VTA1: variants seen among roughly 807,000 people sequenced by gnomAD.
VTA1 encodes vacuolar protein sorting-associated protein VTA1 homolog.
In VTA1, 24 loss-of-function variants were observed where a neutral mutation model predicts 36.9. The observed-to-expected ratio is 0.65, with a 90% confidence interval of 0.47 to 0.91. The LOEUF (loss-of-function observed/expected upper bound fraction) is 0.91, where lower values mean the gene tolerates loss of function less well. Ranked by LOEUF, VTA1 falls within the 40% of genes least tolerant of loss-of-function variation. The probability of loss-of-function intolerance (pLI) is 0.00; values close to 1 mark genes in which losing one functional copy is unlikely to be tolerated. For missense variants in VTA1, 393 were observed against 377.2 expected (o/e 1.04, Z -0.35); for synonymous variants, 142 against 130.2 (o/e 1.09, Z -0.62).
intron 5 of VTA1, among the ~76,000 whole-genome samples, chr6:142,194,995 A>G (rs994247086): frequency 1.3e-5 from 2 of 152,146 alleles, no homozygotes; most frequent in South Asian, 2.1e-4. Context: ...AAACTTAGTC[A>G]TGATGAGGCC....
chr6:142,165,778 A>G (rs1774902025), intron 1 of VTA1, among the ~76,000 whole-genome samples: 1 of 152,204 alleles, frequency 6.6e-6, no homozygotes, highest in Admixed American at 6.5e-5. Flanking sequence ...GAGAGAGTAT[A>G]TGTAAAATTA....
At chr6:142,202,871 T>C (rs1295770845) in intron 6 of VTA1, among the ~76,000 whole-genome samples, 1 of 151,994 alleles carries the variant, frequency 6.6e-6, no homozygotes, top group Non-Finnish European at 1.5e-5. Flanking sequence ...AATTTTTCAA[T>C]TTTTAGTTAA....
At chr6:142,196,579 AC>A (rs1269984891) in intron 5 of VTA1, among the ~76,000 whole-genome samples, 1 of 151,226 alleles carries the variant, frequency 6.6e-6, no homozygotes, top group Admixed American at 6.6e-5. Flanking sequence ...TTTTTCTCTT[AC>A]AGTTTTTCCC....
chr6:142,216,884 C>T (rs1036202753), intron 7 of VTA1, among the ~76,000 whole-genome samples: 2 of 152,092 alleles, frequency 1.3e-5, no homozygotes, highest in South Asian at 2.1e-4. Context: ...AAAGAGTGCC[C>T]TGAGATAGGA....
intron 5 of VTA1, among the ~76,000 whole-genome samples, chr6:142,193,508 C>T (rs571658854): frequency 1.3e-5 from 2 of 152,126 alleles, no homozygotes; most frequent in South Asian, 4.1e-4. Context: ...TTAGTTGGCA[C>T]TCTATCATAA....
chr6:142,174,420 C>G (rs1775081145), intron 4 of VTA1, among the ~76,000 whole-genome samples: 1 of 123,586 alleles, frequency 8.1e-6, no homozygotes, highest in South Asian at 2.7e-4. Context: ...GATGCTTACC[C>G]AATGCCTGTA....
At chr6:142,157,870 GTT>G (rs11357585) in intron 1 of VTA1, among the ~76,000 whole-genome samples, 3 of 137,442 alleles carry the variant, frequency 2.2e-5, no homozygotes, top group Admixed American at 7.1e-5. Flanking sequence ...ACTATTTTGG[GTT>G]TTTTTTTTTT....
chr6:142,201,600 AAAT>A (rs1410486918), intron 6 of VTA1, among the ~76,000 whole-genome samples: 5 of 151,958 alleles, frequency 3.3e-5, no homozygotes, highest in Non-Finnish European at 7.4e-5. Flanking sequence ...AAGCTAGATT[AAAT>A]AATATAATTA....
At chr6:142,181,891 TATCAGGAAATAC>T (rs1457781792) in intron 4 of VTA1, among the ~76,000 whole-genome samples, 1 of 152,222 alleles carries the variant, frequency 6.6e-6, no homozygotes, top group Admixed American at 6.5e-5. Context: ...GTTGAATGAA[TATCAGGAAATAC>T]ATGTAATCTG....
At chr6:142,197,187 T>G (rs905951584) in intron 5 of VTA1, among the ~76,000 whole-genome samples, 11 of 152,150 alleles carry the variant, frequency 7.2e-5, no homozygotes, top group African/African-American at 2.7e-4. Flanking sequence ...AATGTTAGAG[T>G]TCTCCAGTAT....
intron 5 of VTA1, among the ~76,000 whole-genome samples, chr6:142,192,373 T>C (rs1034349081): frequency 5.9e-5 from 9 of 152,092 alleles, no homozygotes; most frequent in Non-Finnish European, 1.2e-4. Context: ...CATTTTTTAC[T>C]TAGATTTTTG....
At chr6:142,214,671 C>T (rs2114689376) in intron 7 of VTA1, among the ~76,000 whole-genome samples, 1 of 152,144 alleles carries the variant, frequency 6.6e-6, no homozygotes, top group South Asian at 2.1e-4. Context: ...AAGAGTAAAC[C>T]CTAACATAGA....
chr6:142,203,394 TTTTG>T (rs1374270056), intron 6 of VTA1, among the ~76,000 whole-genome samples: 1 of 152,042 alleles, frequency 6.6e-6, no homozygotes, highest in African/African-American at 2.4e-5. Flanking sequence ...TTTTAACACT[TTTTG>T]TTAGTTTTTT....
At position 142,212,897 on chromosome 6, in the gene VTA1, A is replaced by G. The variant is rs919346898; in HGVS notation, c.779-5601A>G. On this transcript the variant is annotated intron_variant, in intron 7 of 7. Coordinates refer to ENST00000367630, the MANE Select transcript of VTA1 (RefSeq NM_016485.5). ...TACCTCTCTCCAGGCCCCTCCTTCA[A>G]TTCAACATGAGGTTTGGGCAGGGAC... 6.6e-5 allele frequency among the ~76,000 whole-genome samples: 10 copies of G among 152,206 alleles called. 1 individual carries two copies. The highest frequency in any genetic ancestry group is 3.9e-4 in the Admixed American group (6 of 15,284).
intron 5 of VTA1, among the ~76,000 whole-genome samples, chr6:142,195,331 G>C (rs565174412): frequency 6.6e-6 from 1 of 151,976 alleles, no homozygotes; most frequent in South Asian, 2.1e-4. Flanking sequence ...CAAGTGATTT[G>C]TTCATTTCCC....
chr6:142,203,619 GA>G (rs1775731236), intron 6 of VTA1, among the ~76,000 whole-genome samples: 1 of 152,068 alleles, frequency 6.6e-6, no homozygotes, highest in Admixed American at 6.5e-5. Flanking sequence ...GCACAGTGAT[GA>G]AATTGGATTC....
intron 1 of VTA1, among the ~76,000 whole-genome samples, chr6:142,165,690 G>A (rs1381483663): frequency 1.3e-5 from 2 of 152,200 alleles, no homozygotes; most frequent in Non-Finnish European, 2.9e-5. Context: ...TACTGAAATT[G>A]TGGTGACAGC....
Position 142,170,382 on chromosome 6 carries a change from GA to G in VTA1, c.373del (p.Ile125Ter). 2.5e-6 allele frequency: 4 copies of G among 1,608,666 alleles called. No homozygotes were observed. The highest frequency in any genetic ancestry group is 3.4e-6 in the Non-Finnish European group (4 of 1,177,870). On this transcript the variant is annotated frameshift_variant, in exon 4 of 8. Coordinates refer to ENST00000367630, the MANE Select transcript of VTA1 (RefSeq NM_016485.5). LOFTEE classifies it high-confidence loss of function. ...IKSFYTASLL[I>X]DVITVFGELT... ...AGTCCTTCTATACTGCAAGTCTTTT[GA>G]TAGATGTCATAACAGTATTTGGAGA...
In VTA1 at chr6:142,166,289, A is replaced by C. The variant is rs754727814; in HGVS notation, c.174A>C (p.Lys58Asn). 2.5e-6 allele frequency: 4 copies of C among 1,612,476 alleles called. No homozygotes were observed. Among genetic ancestry groups the C allele is most frequent in the South Asian group, 1.1e-5 (1 of 90,874 alleles). ...ATAGTAAAACTCCTGAATGTCGCAA[A>C]TTTTTATCAAAGTTAATGGATCAGT... ...KIDSKTPECR[K>N]FLSKLMDQLE... Residue 58 changes from lysine to asparagine, a missense_variant, in exon 2 of 8, where the codon AAA becomes AAC. Transcript: ENST00000367630.
Sources: allele counts gnomAD v4.1 joint callset (sites outside exome capture counted in the v4.1 genomes callset), GRCh38; gene constraint gnomAD v4.1.1; transcripts MANE v1.5; gene names NCBI Gene and HGNC (gene_info 2026-07-23, HGNC 2026-07-21).